The following MON2 variants were observed in gnomAD, a reference collection of about 807,000 sequenced individuals.
MON2 encodes the protein MON2 regulator of endosome-to-Golgi trafficking.
MON2 carries 84 observed loss-of-function variants against 208.6 expected under a neutral mutation model. The ratio of observed to expected loss-of-function variants is 0.40; its 90% CI spans 0.34 to 0.48. The LOEUF (loss-of-function observed/expected upper bound fraction) is 0.48, where lower values mean the gene tolerates loss of function less well. Ranked by LOEUF, MON2 falls within the 20% of genes least tolerant of loss-of-function variation. The pLI is 0.59. For missense variants in MON2, 1,611 were observed against 2,015.4 expected (o/e 0.80, Z 3.84); for synonymous variants, 660 against 694.0 (o/e 0.95, Z 0.77).
At chr12:62,538,042 G>T in intron 16 of MON2, 54 bp from the exon 17 acceptor site, 1 of 1,478,072 alleles carries the variant, frequency 6.8e-7, no homozygotes, top group Non-Finnish European at 9.3e-7. Flanking sequence ...TTAGTTATTG[G>T]ACCTTTTATA....
chr12:62,482,039 A>T (rs1423916180), intron 1 of MON2, among the ~76,000 whole-genome samples: 1 of 152,182 alleles, frequency 6.6e-6, no homozygotes, highest in East Asian at 1.9e-4. Context: ...ACTCTAGGCC[A>T]CTACTGGTTC....
chr12:62,499,117 C>T (rs2070698958), intron 5 of MON2, 69 bp downstream of exon 5: 2 of 1,537,682 alleles, frequency 1.3e-6, no homozygotes, highest in East Asian at 2.3e-5. Flanking sequence ...TAACTTTCGG[C>T]CTTTGCTCAG....
chr12:62,490,027 T>C, intron 2 of MON2: 1 of 1,211,106 alleles, frequency 8.3e-7, no homozygotes, highest in Non-Finnish European at 1.1e-6. Context: ...TTTAATTCTT[T>C]TTTTCCAGGA....
chr12:62,485,131 T>G (rs1472760491), intron 2 of MON2, among the ~76,000 whole-genome samples: 1 of 152,170 alleles, frequency 6.6e-6, no homozygotes, highest in African/African-American at 2.4e-5. Context: ...CCTGCTACAG[T>G]GTGCTACCAT....
At chr12:62,590,766 C>T (rs1446920637) in intron 34 of MON2, among the ~76,000 whole-genome samples, 3 of 152,100 alleles carry the variant, frequency 2.0e-5, no homozygotes, top group South Asian at 2.1e-4. Context: ...CTGAAACCTC[C>T]GCCTCCTAGG....
At position 62,508,342 on chromosome 12, in the gene MON2, C is replaced by G. The variant is rs1194666549; in HGVS notation, c.846C>G (p.Leu282=). The change falls in exon 8 of 35, where the codon CTC becomes CTG. Residue 282 remains leucine (L), a synonymous_variant. Transcript: ENST00000393630. The part of the protein sequence containing the change: ...KERVCPLVIK[L]FSPNIKFRQG... ...GGGTATGTCCTCTTGTGATAAAGCT[C>G]TTTTCTCCAAATATAAAGTTCAGAC... 6.2e-7 allele frequency: 1 copy of G among 1,613,996 alleles called. No individual in the cohort carries two copies. Among genetic ancestry groups the G allele is most frequent in the African/African-American group, 1.3e-5 (1 of 75,008 alleles).
intron 5 of MON2, among the ~76,000 whole-genome samples, 167 bp downstream of exon 5, chr12:62,499,215 C>T (rs1242911632): frequency 1.3e-5 from 2 of 152,068 alleles, no homozygotes; most frequent in Non-Finnish European, 2.9e-5. Context: ...CCTTGTTTTC[C>T]TTGTTTATTT....
At chr12:62,572,531 G>A (rs372582072) in intron 30 of MON2, among the ~76,000 whole-genome samples, 6 of 152,028 alleles carry the variant, frequency 3.9e-5, no homozygotes, top group African/African-American at 4.8e-5. Context: ...CTGCAGCCTC[G>A]ACCTCCCAGG....
At chr12:62,571,022 G>A (rs1439238983) in intron 29 of MON2, among the ~76,000 whole-genome samples, 2 of 151,936 alleles carry the variant, frequency 1.3e-5, no homozygotes, top group Non-Finnish European at 2.9e-5. Flanking sequence ...GAGCCACCAC[G>A]CTTGGCCAGA....
intron 24 of MON2, among the ~76,000 whole-genome samples, chr12:62,555,252 T>C (rs899005316): frequency 6.6e-6 from 1 of 151,968 alleles, no homozygotes; most frequent in Non-Finnish European, 1.5e-5. Flanking sequence ...CACAGCTCAC[T>C]GCAGCCTCAA....
In MON2 at chr12:62,597,155, C is replaced by G. The variant is rs2075543028; in HGVS notation, c.*4406C>G. On this transcript the variant is annotated 3_prime_UTR_variant, in exon 35 of 35. Transcript: ENST00000393630. ...TTCAAGTTGTTTGATAAATTTATTA[C>G]TATATTGTAAGAGAGATCTTTGACC... The G allele has an allele frequency of 6.6e-6, 1 of 152,082 alleles. No homozygotes were observed. Among genetic ancestry groups the G allele is most frequent in the African/African-American group, 2.4e-5 (1 of 41,420 alleles). 9.4% of individuals were successfully genotyped at this position (152,082 alleles called of 1,614,324 possible).
intron 26 of MON2, among the ~76,000 whole-genome samples, chr12:62,561,710 A>C (rs1395708905): frequency 6.6e-6 from 1 of 152,164 alleles, no homozygotes; most frequent in Non-Finnish European, 1.5e-5. Context: ...AGCAAGAAAA[A>C]TTGATAGCAC....
At position 62,597,312 on chromosome 12, in the gene MON2, C is replaced by T. The variant is rs2075546459; in HGVS notation, c.*4563C>T. 6.6e-6 allele frequency: 1 copy of T among 151,844 alleles called. No individual in the cohort carries two copies. The highest frequency in any genetic ancestry group is 1.5e-5 in the Non-Finnish European group (1 of 68,006). 9.4% of individuals were successfully genotyped at this position (151,844 alleles called of 1,614,324 possible). A position where few individuals can be genotyped will look rare whatever the true frequency, so the allele number is the denominator to read the frequency against. On this transcript the variant is annotated 3_prime_UTR_variant, in exon 35 of 35. Transcript: ENST00000393630. ...TCCCCTGATTTTTCTCTTTTAATTC[C>T]TCTTTCATTCTCTGCCTCTTCTCTT...
chr12:62,484,194 G>T lies in MON2; in HGVS notation c.136G>T (p.Val46Phe), dbSNP rs192228504. The T allele has an allele frequency of 2.5e-6, 4 of 1,600,946 alleles. No homozygotes were observed. In the East Asian group the frequency reaches 9.0e-5, roughly 36 times the overall value. ...GGCTGCTGAATCAGGAATAATAAAA[G>T]TTAAAACAATTGCTGCACGAAACAC... is the stretch of plus-strand genomic sequence containing the variant. ...KEAAESGIIK[V>F]KTIAARNTEI... Residue 46 changes from valine to phenylalanine, a missense_variant, in exon 2 of 35, where the codon GTT becomes TTT. By Grantham distance (50) the Val-to-Phe change is conservative. Coordinates refer to ENST00000393630, the MANE Select transcript of MON2 (RefSeq NM_015026.3).
In MON2 at chr12:62,467,065, C is replaced by T; in HGVS notation, c.-143C>T. ...AGCTGCTGGGGGACGCTCGAGCAGG[C>T]TCCGGGTTCGCAGCCCAGGGCCCAA... is the stretch of plus-strand genomic sequence containing the variant. On this transcript the variant is annotated 5_prime_UTR_variant, in exon 1 of 35. Coordinates refer to ENST00000393630, the MANE Select transcript of MON2 (RefSeq NM_015026.3). The T allele has an allele frequency of 7.7e-6, 5 of 651,118 alleles. No homozygotes were observed. The highest frequency in any genetic ancestry group is 3.7e-5 in the South Asian group (2 of 54,660). The allele number at this position is 651,118 out of a possible 1,614,324, so 40.3% of individuals were successfully genotyped here.
At chr12:62,581,755 G>C (rs765349498) in intron 32 of MON2, among the ~76,000 whole-genome samples, 1 of 151,964 alleles carries the variant, frequency 6.6e-6, no homozygotes, top group Admixed American at 6.6e-5. Context: ...TGCTTGATTC[G>C]GGAAGCGGAG....
intron 5 of MON2, 46 bp from the exon 6 acceptor site, chr12:62,500,735 ATT>A: frequency 1.2e-6 from 1 of 816,770 alleles, no homozygotes; most frequent in Non-Finnish European, 2.0e-6. Context: ...TATATAATTT[ATT>A]AAAGGCTATT....
At chr12:62,534,106 A>G (rs1227412403) in intron 12 of MON2, among the ~76,000 whole-genome samples, 1 of 152,130 alleles carries the variant, frequency 6.6e-6, no homozygotes. Flanking sequence ...AGGAAAGGAT[A>G]TCAGCTGGGC....
At chr12:62,500,728 A>G (rs1044234582) in intron 5 of MON2, 55 bp from the exon 6 acceptor site, 12 of 776,204 alleles carry the variant, frequency 1.5e-5, no homozygotes, top group African/African-American at 7.3e-5. Flanking sequence ...AACAGAATAT[A>G]TAATTTATTA....
Sources: allele counts gnomAD v4.1 joint callset (sites outside exome capture counted in the v4.1 genomes callset), GRCh38; gene constraint gnomAD v4.1.1; transcripts MANE v1.5; gene names NCBI Gene and HGNC (gene_info 2026-07-23, HGNC 2026-07-21).